Variants in CEACAM20 observed in about 807,000 individuals in gnomAD.
CEACAM20 encodes the protein cell adhesion molecule CEACAM20.
In CEACAM20, 50 loss-of-function variants were observed where a neutral mutation model predicts 61.2. The ratio of observed to expected loss-of-function variants is 0.82; its 90% CI spans 0.65 to 1.03. The LOEUF is 1.03. CEACAM20 is among the 50% of genes least tolerant of loss of function. The pLI is 0.00. For missense variants in CEACAM20, 683 were observed against 736.4 expected, an observed-to-expected ratio of 0.93 and a Z score of 0.84; for synonymous variants, 282 against 287.7, an observed-to-expected ratio of 0.98 and a Z score of 0.20.
rs1971609634 is a variant in CEACAM20, at chr19:44,528,636, G to GT, written c.52+821dup. 2.0e-5 allele frequency among the ~76,000 whole-genome samples: 3 copies of GT among 151,964 alleles called. No individual in the cohort carries two copies. The South Asian group carries it at 6.2e-4, about 31-fold the overall frequency. ...TCCCTGGGTCTCTGGTTCTGTGGCT[G>GT]TGACTCCATCTTTCTCTGTCTCTCT... is the stretch of plus-strand genomic sequence containing the variant. On this transcript the variant is annotated intron_variant, in intron 1 of 11. Transcript: ENST00000614924.
At chr19:44,508,784 T>G (rs1970889782) in intron 11 of CEACAM20, among the ~76,000 whole-genome samples, 1 of 152,226 alleles carries the variant, frequency 6.6e-6, no homozygotes, top group South Asian at 2.1e-4. Context: ...TAGTGGCAGA[T>G]ATCACGTAGG....
At position 44,508,535 on chromosome 19, in the gene CEACAM20, G is replaced by T. The variant is rs1205212777; in HGVS notation, c.1738-2321C>A. 2.0e-5 allele frequency among the ~76,000 whole-genome samples: 3 copies of T among 152,100 alleles called. No individual in the cohort carries two copies. The East Asian group carries it at 5.8e-4, about 29-fold the overall frequency. Reference sequence around the variant, plus strand: ...CTCCCAAGTAGCTGGGATTACAGGTGCCTGCCACCATGCCCAGCTAATTTT... The same window carrying T: ...CTCCCAAGTAGCTGGGATTACAGGTTCCTGCCACCATGCCCAGCTAATTTT... On this transcript the variant is annotated intron_variant, in intron 11 of 11. Coordinates refer to ENST00000614924, the MANE Select transcript of CEACAM20 (RefSeq NM_001102597.3).
chr19:44,510,607 A>AG (rs1568446434), intron 11 of CEACAM20, among the ~76,000 whole-genome samples: 1 of 69,304 alleles, frequency 1.4e-5, no homozygotes, highest in African/African-American at 8.4e-5. Context: ...AAAGAAAGAA[A>AG]GAAAAAGGAA....
intron 11 of CEACAM20, 99 bp from the exon 12 acceptor site, chr19:44,506,313 C>A: frequency 9.5e-7 from 1 of 1,054,072 alleles, no homozygotes; most frequent in Admixed American, 2.5e-5. Flanking sequence ...GCTTTCCTTT[C>A]TTTGGAAATT....
At chr19:44,510,604 GAAA>G (rs1568446420) in intron 11 of CEACAM20, among the ~76,000 whole-genome samples, 771 of 72,898 alleles carry the variant, frequency 0.011, 25 homozygotes, top group African/African-American at 0.033. Context: ...AAGAAAGAAA[GAAA>G]GAAAAAGGAA....
rs753255984 is a variant in CEACAM20, at chr19:44,520,462, T to C, written c.1030+12A>G. ...AGGGAGATGGGGAAGGTCCAGGCCC[T>C]GGGTGACTCACAGTTGATGGTCAGC... On this transcript the variant is annotated intron_variant, in intron 5 of 11. Coordinates refer to ENST00000614924, the MANE Select transcript of CEACAM20 (RefSeq NM_001102597.3). The C allele has an allele frequency of 1.9e-6, 3 of 1,609,908 alleles. No homozygotes were observed. In the East Asian group the frequency reaches 6.7e-5, roughly 36 times the overall value.
intron 6 of CEACAM20, 75 bp downstream of exon 6, chr19:44,516,871 G>A: frequency 6.6e-7 from 1 of 1,504,254 alleles, no homozygotes; most frequent in Non-Finnish European, 9.0e-7. Flanking sequence ...CTCGGTAGGG[G>A]TAGACTAGGT....
At chr19:44,526,894 A>AC (rs74716933) in intron 1 of CEACAM20, among the ~76,000 whole-genome samples, 15 of 151,646 alleles carry the variant, frequency 9.9e-5, no homozygotes, top group Admixed American at 3.3e-4. Context: ...AAACAAACAA[A>AC]AAAAAAACAC....
At chr19:44,520,338 C>T (rs1421692313) in intron 5 of CEACAM20, 136 bp downstream of exon 5, 1 of 1,187,014 alleles carries the variant, frequency 8.4e-7, no homozygotes, top group Non-Finnish European at 1.2e-6. Flanking sequence ...AGGCACTTGG[C>T]CCTGTCCAGT....
Position 44,518,129 on chromosome 19 carries a change from AG to A in CEACAM20, c.1031-906del, listed in dbSNP as rs1971238607. On this transcript the variant is annotated intron_variant, in intron 5 of 11. Coordinates refer to ENST00000614924, the MANE Select transcript of CEACAM20 (RefSeq NM_001102597.3). Reference sequence around the variant, plus strand: ...AAGGAAGGAAGGAAGGAAGGAAGGAAGGAAGGAAGGAAGGAAGGAAGGAAGG... The same window carrying A: ...AAGGAAGGAAGGAAGGAAGGAAGGAAGAAGGAAGGAAGGAAGGAAGGAAGG... Among the ~76,000 whole-genome samples the A allele has an allele frequency of 3.7e-3, 304 of 83,000 alleles. 23 individuals carry two copies. Among genetic ancestry groups the A allele is most frequent in the African/African-American group, 0.013 (270 of 20,502 alleles). The allele number at this position is 83,000 out of a possible 152,430, so 54.5% of individuals were successfully genotyped here. A position where few individuals can be genotyped will look rare whatever the true frequency, so the allele number is the denominator to read the frequency against.
intron 11 of CEACAM20, among the ~76,000 whole-genome samples, chr19:44,508,512 C>A (rs1036548308): frequency 4.6e-5 from 7 of 152,202 alleles, no homozygotes; most frequent in African/African-American, 1.7e-4. Context: ...GCCTCAGCCT[C>A]CCAAGTAGCT....
At chr19:44,515,988 G>T (rs192143228) in intron 6 of CEACAM20, among the ~76,000 whole-genome samples, 267 of 152,176 alleles carry the variant, frequency 1.8e-3, no homozygotes, top group African/African-American at 6.2e-3. Flanking sequence ...GCCAAGCACT[G>T]CCCTAAGAAC....
intron 4 of CEACAM20, 41 bp from the exon 5 acceptor site, chr19:44,520,793 T>C: frequency 1.3e-6 from 2 of 1,583,974 alleles, no homozygotes; most frequent in Non-Finnish European, 1.7e-6. Flanking sequence ...TCAGGGAGAT[T>C]TCCCTCATCT....
At chr19:44,510,567 A>G (rs868179417) in intron 11 of CEACAM20, among the ~76,000 whole-genome samples, 1 of 42,504 alleles carries the variant, frequency 2.4e-5, no homozygotes, top group African/African-American at 1.2e-4. Context: ...AAAGAAAGAA[A>G]GAAAGAAAGA....
chr19:44,509,013 G>A (rs1293362797), intron 11 of CEACAM20, among the ~76,000 whole-genome samples: 1 of 152,166 alleles, frequency 6.6e-6, no homozygotes, highest in African/African-American at 2.4e-5. Flanking sequence ...GAAAGGAAAG[G>A]AAATGAATGA....
Position 44,517,188 on chromosome 19 carries a change from G to C in CEACAM20, c.1067C>G (p.Ala356Gly). ...CTCTATGGTGCTGATCATCTCAGATGCCGACTCCCTGGTGATGTGCACTTG... is the reference window on the plus strand; with the variant it reads ...CTCTATGGTGCTGATCATCTCAGATCCCGACTCCCTGGTGATGTGCACTTG... ...PDQVHITRESASEMISTIEAE... is the reference protein window; with the variant it reads ...PDQVHITRESGSEMISTIEAE... Residue 356 changes from alanine to glycine, a missense_variant, in exon 6 of 12, where the codon GCA (alanine) becomes GGA (glycine). Physicochemically the swap from Ala to Gly is moderately conservative, Grantham distance 60. Transcript: ENST00000614924. The C allele has an allele frequency of 1.9e-6, 3 of 1,610,678 alleles. No individual in the cohort carries two copies. The Admixed American group carries it at 5.0e-5, about 27-fold the overall frequency.
In CEACAM20 at chr19:44,525,189, G is replaced by A; in HGVS notation, c.108C>T (p.Ala36=). 6.2e-7 allele frequency: 1 copy of A among 1,610,098 alleles called. No homozygotes were observed. Among genetic ancestry groups the A allele is most frequent in the Non-Finnish European group, 8.5e-7 (1 of 1,178,340 alleles). The change falls in exon 2 of 12, where the codon GCC becomes GCT. Residue 36 remains alanine, a synonymous_variant. Transcript: ENST00000614924. ...PPAAAQLTLN[A]NPLDATQSED... ...CACTTTGGGTGGCATCAAGTGGGTT[G>A]GCATTGAGGGTGAGCTGGGCTGCAG...
At position 44,522,776 on chromosome 19, in the gene CEACAM20, G is replaced by A. The variant is rs1261847401; in HGVS notation, c.609C>T (p.Leu203=). 5.0e-6 allele frequency: 8 copies of A among 1,613,756 alleles called. No homozygotes were observed. The highest frequency in any genetic ancestry group is 2.2e-5 in the East Asian group (1 of 44,890). The part of the protein sequence containing the change: ...SHPPCAYTWF[L]LDSILSHTTR... Reference sequence around the variant, plus strand: ...TGGTGTGAGACAGAATGGAGTCAAGGAGAAACCAAGTATAGGCACAGGGTG... The same window carrying A: ...TGGTGTGAGACAGAATGGAGTCAAGAAGAAACCAAGTATAGGCACAGGGTG... The change falls in exon 4 of 12, where the codon CTC becomes CTT. Residue 203 remains leucine, a synonymous_variant. Transcript: ENST00000614924.
At chr19:44,516,417 T>C (rs765172341) in intron 6 of CEACAM20, among the ~76,000 whole-genome samples, 2 of 152,188 alleles carry the variant, frequency 1.3e-5, no homozygotes, top group Non-Finnish European at 2.9e-5. Flanking sequence ...TGGGAGATAA[T>C]TGAATCATGG....
Sources: gnomAD v4.1 joint callset for allele counts (sites outside exome capture counted in the v4.1 genomes callset) on GRCh38, gnomAD v4.1.1 for gene constraint, MANE v1.5 for transcripts, NCBI Gene and HGNC (gene_info 2026-07-23, HGNC 2026-07-21) for gene names.